SCAP: variants seen among roughly 807,000 people sequenced by gnomAD.
SCAP encodes the protein SREBF chaperone, also known as sterol regulatory element-binding protein cleavage-activating protein.
In SCAP, 65 loss-of-function variants were observed where a neutral mutation model predicts 123.6. The ratio of observed to expected loss-of-function variants is 0.53; its 90% CI spans 0.43 to 0.65. The LOEUF (loss-of-function observed/expected upper bound fraction) is 0.65, where lower values mean the gene tolerates loss of function less well. Ranked by LOEUF, SCAP falls within the 30% of genes least tolerant of loss-of-function variation. The pLI, the probability that SCAP is intolerant of heterozygous loss-of-function variation, is 0.00. For missense variants in SCAP, 1,398 were observed against 1,712.5 expected (o/e 0.82, Z 3.24); for synonymous variants, 740 against 726.3 (o/e 1.02, Z -0.30).
intron 10 of SCAP, among the ~76,000 whole-genome samples, 155 bp downstream of exon 10, chr3:47,422,287 G>C (rs958656401): frequency 6.6e-6 from 1 of 152,246 alleles, no homozygotes; most frequent in Non-Finnish European, 1.5e-5. Context: ...GGGCCATCTG[G>C]GTGCTGTAGT....
intron 3 of SCAP, among the ~76,000 whole-genome samples, chr3:47,430,096 TACAA>T (rs1376231784): frequency 6.6e-6 from 1 of 152,316 alleles, no homozygotes; most frequent in East Asian, 1.9e-4. Context: ...CACACACGCA[TACAA>T]ACAGTGTCTG....
intron 1 of SCAP, among the ~76,000 whole-genome samples, chr3:47,468,276 A>G (rs987808286): frequency 6.6e-6 from 1 of 152,144 alleles, no homozygotes; most frequent in Non-Finnish European, 1.5e-5. Flanking sequence ...CTAGTTCTAG[A>G]TCCTTGAGGA....
chr3:47,456,613 A>C (rs1707434053), intron 1 of SCAP, among the ~76,000 whole-genome samples: 1 of 151,686 alleles, frequency 6.6e-6, no homozygotes, highest in African/African-American at 2.4e-5. Flanking sequence ...TAAAAATACA[A>C]AAATTAGCCA....
At position 47,420,783 on chromosome 3, in the gene SCAP, C is replaced by T; in HGVS notation, c.1345-11G>A. ...GTTCAGGTCTGCTAGCTGTTGGGGG[C>T]ACAGTGGTCAGGGCCTGAGTCCACC... On this transcript the variant is annotated splice_polypyrimidine_tract_variant and intron_variant, in intron 11 of 22. Transcript: ENST00000265565. The surrounding 1 kb of genome is among the most constrained non-coding windows in gnomAD (Gnocchi z 5.0). The T allele has an allele frequency of 6.2e-7, 1 of 1,609,522 alleles. No homozygotes were observed. Among genetic ancestry groups the T allele is most frequent in the Non-Finnish European group, 8.5e-7 (1 of 1,178,792 alleles).
chr3:47,416,228 C>G (rs142031657), intron 18 of SCAP, among the ~76,000 whole-genome samples: 2,894 of 152,320 alleles, frequency 0.019, 40 homozygotes, highest in Non-Finnish European at 0.027. Flanking sequence ...CACCTGGCCA[C>G]TGGGTGGAGA....
intron 10 of SCAP, 69 bp downstream of exon 10, chr3:47,422,373 T>C: frequency 1.4e-6 from 2 of 1,412,152 alleles, no homozygotes; most frequent in Non-Finnish European, 2.0e-6. Flanking sequence ...ACCCTGCCCA[T>C]GGCTGCACAG....
chr3:47,467,573 C>G (rs1707870487), intron 1 of SCAP, among the ~76,000 whole-genome samples: 1 of 151,196 alleles, frequency 6.6e-6, no homozygotes, highest in African/African-American at 2.4e-5. Flanking sequence ...CCACTGCAGT[C>G]TGGGCAACAG....
chr3:47,416,379 G>C (rs1365800227), intron 18 of SCAP, among the ~76,000 whole-genome samples: 1 of 152,230 alleles, frequency 6.6e-6, no homozygotes, highest in Non-Finnish European at 1.5e-5. Context: ...GGCAGGGAGA[G>C]CAGAGAACAG....
At chr3:47,461,823 C>T (rs1004012627) in intron 1 of SCAP, among the ~76,000 whole-genome samples, 2 of 152,174 alleles carry the variant, frequency 1.3e-5, no homozygotes, top group African/African-American at 2.4e-5. Flanking sequence ...CACTTCAGGT[C>T]AGGAGTTTGA....
chr3:47,417,548 C>G lies in SCAP; in HGVS notation c.2726G>C (p.Gly909Ala). 6.4e-7 allele frequency: 1 copy of G among 1,574,694 alleles called. No homozygotes were observed. Among genetic ancestry groups the G allele is most frequent in the East Asian group, 2.3e-5 (1 of 43,364 alleles). Residue 909 changes from glycine to alanine, a missense_variant, in exon 17 of 23, where the codon GGC becomes GCC. Around this residue, in one of 7 missense-constraint regions of SCAP, gnomAD observed 828 missense variants for 882.5 expected, o/e 0.94. Transcript: ENST00000265565. ...AVCGRSRDSP[G>A]YDFSCLVQRV... ...CTGCACCAGGCAGCTGAAGTCATAG[C>G]CTGGGGAGTCCCGAGAGCGGCCACA...
intron 8 of SCAP, 172 bp downstream of exon 8, chr3:47,425,313 T>C (rs1706076259): frequency 1.4e-6 from 1 of 704,802 alleles, no homozygotes; most frequent in Non-Finnish European, 2.3e-6. Context: ...AACACAAGTA[T>C]GAATACAAGC....
intron 1 of SCAP, among the ~76,000 whole-genome samples, chr3:47,448,330 C>T (rs9683033): frequency 0.5 from 75,294 of 151,906 alleles, 20,281 homozygotes; most frequent in Non-Finnish European, 0.6. Flanking sequence ...CCTGAAATCA[C>T]TTATTAGTGC....
intron 10 of SCAP, 93 bp from the exon 11 acceptor site, chr3:47,421,122 C>T (rs1453931787): frequency 1.2e-5 from 12 of 969,274 alleles, no homozygotes; most frequent in Admixed American, 1.8e-5. Context: ...ACCTCATAAC[C>T]GGCAGGGCAG....
Position 47,417,145 on chromosome 3 carries a change from G to C in SCAP, c.3033C>G (p.Thr1011=), listed in dbSNP as rs774749281. 1.2e-6 allele frequency: 2 copies of C among 1,612,972 alleles called. No homozygotes were observed. The highest frequency in any genetic ancestry group is 1.3e-5 in the African/African-American group (1 of 74,942). ...CSSEEVSSGI[T]ALVFLDKRIV... is the part of the protein sequence containing the mutation. Reference sequence around the variant, plus strand: ...ACCTTTTGTCCAAGAACACCAGAGCGGTAATGCCTGAGGAGACCTCCTCGC... The same window carrying C: ...ACCTTTTGTCCAAGAACACCAGAGCCGTAATGCCTGAGGAGACCTCCTCGC... Residue 1011 remains threonine, a synonymous_variant, in exon 18 of 23, where the codon ACC becomes ACG. Transcript: ENST00000265565.
intron 16 of SCAP, 59 bp downstream of exon 16, chr3:47,418,075 G>C (rs775112572): frequency 2.2e-6 from 1 of 456,452 alleles, no homozygotes; most frequent in South Asian, 4.3e-5. Context: ...ACGTGGCGGC[G>C]GGGGGTGGGG....
chr3:47,436,099 C>G (rs890151992), intron 2 of SCAP, among the ~76,000 whole-genome samples: 2 of 150,320 alleles, frequency 1.3e-5, no homozygotes, highest in African/African-American at 4.9e-5. Context: ...TAAAAACAAA[C>G]AAAAAAAAAT....
Position 47,426,854 on chromosome 3 carries a change from G to A in SCAP, c.737+303C>T, listed in dbSNP as rs143727722. ...GGGAAGGACACAGGCCATATAGGGTGCTCAGTAGTAACCAGCTGGGGATGC... is the reference window on the plus strand; with the variant it reads ...GGGAAGGACACAGGCCATATAGGGTACTCAGTAGTAACCAGCTGGGGATGC... On this transcript the variant is annotated intron_variant, in intron 6 of 22. Transcript: ENST00000265565. 1.3e-3 allele frequency among the ~76,000 whole-genome samples: 193 copies of A among 152,312 alleles called. 1 individual carries two copies. Among genetic ancestry groups the A allele is most frequent in the African/African-American group, 4.3e-3 (180 of 41,572 alleles).
chr3:47,454,785 A>T (rs968290442), intron 1 of SCAP, among the ~76,000 whole-genome samples: 1 of 151,828 alleles, frequency 6.6e-6, no homozygotes, highest in Admixed American at 6.6e-5. Context: ...TATATAAAAA[A>T]TAAATACAGA....
At chr3:47,469,155 C>T (rs1255476076) in intron 1 of SCAP, among the ~76,000 whole-genome samples, 4 of 152,298 alleles carry the variant, frequency 2.6e-5, no homozygotes, top group Middle Eastern at 3.4e-3. Flanking sequence ...CAAGACCAGC[C>T]TGGCCAACAT....
Sources: gnomAD v4.1 joint callset for allele counts (sites outside exome capture counted in the v4.1 genomes callset) on GRCh38, gnomAD v4.1.1 for gene constraint, gnomAD v4.1.1 regional missense constraint, Gnocchi (gnomAD v3.1) non-coding constraint, MANE v1.5 for transcripts, NCBI Gene and HGNC (gene_info 2026-07-23, HGNC 2026-07-21) for gene names.